The following CCDC122 variants were observed in gnomAD, a reference collection of about 807,000 sequenced individuals.
The protein encoded by CCDC122 is coiled-coil domain-containing protein 122.
Under a neutral mutation model 37.0 loss-of-function variants are expected in CCDC122, and 38 were observed. The ratio of observed to expected loss-of-function variants is 1.03; its 90% CI spans 0.79 to 1.35. The LOEUF (loss-of-function observed/expected upper bound fraction) is 1.35, where lower values mean the gene tolerates loss of function less well. CCDC122 is among the 40% of genes most tolerant of loss of function. The pLI, the probability that CCDC122 is intolerant of heterozygous loss-of-function variation, is 0.00. For synonymous variants in CCDC122, 83 were observed against 95.6 expected (o/e 0.87, Z 0.77); for missense variants, 305 against 310.0 (o/e 0.98, Z 0.12).
intron 3 of CCDC122, among the ~76,000 whole-genome samples, chr13:43,827,348 A>G (rs1471681157): frequency 6.6e-6 from 1 of 152,262 alleles, no homozygotes; most frequent in Non-Finnish European, 1.5e-5. Flanking sequence ...TTTATAAATC[A>G]TAAGTGAATT....
chr13:43,861,792 A>G (rs1233990727), intron 4 of CCDC122, among the ~76,000 whole-genome samples: 2 of 152,170 alleles, frequency 1.3e-5, no homozygotes, highest in African/African-American at 4.8e-5. Flanking sequence ...TCAACTATAC[A>G]TATTCAGAAA....
downstream of CCDC122, among the ~76,000 whole-genome samples, chr13:43,834,617 AAAAC>A (rs1357968487): frequency 6.6e-6 from 1 of 152,244 alleles, no homozygotes; most frequent in Non-Finnish European, 1.5e-5. Context: ...TTATAAGAAA[AAAAC>A]AAACAACCCC....
At chr13:43,843,046 G>A (rs1161684875) in intron 6 of CCDC122, among the ~76,000 whole-genome samples, 2 of 151,982 alleles carry the variant, frequency 1.3e-5, no homozygotes, top group African/African-American at 2.4e-5. Context: ...AGGACCTCCA[G>A]AATAATGATG....
intron 1 of CCDC122, among the ~76,000 whole-genome samples, chr13:43,876,389 G>A (rs1422893728): frequency 6.6e-6 from 1 of 152,132 alleles, no homozygotes; most frequent in African/African-American, 2.4e-5. Context: ...AAAATGTCTG[G>A]TGAGTTCTTC....
intron 2 of CCDC122, among the ~76,000 whole-genome samples, chr13:43,870,717 A>G (rs1158448770): frequency 6.6e-6 from 1 of 152,138 alleles, no homozygotes; most frequent in Non-Finnish European, 1.5e-5. Flanking sequence ...TTACAAAAAA[A>G]AGTACAGGGA....
At chr13:43,832,665 T>C (rs1953100681), downstream of CCDC122, among the ~76,000 whole-genome samples, 1 of 152,148 alleles carries the variant, frequency 6.6e-6, no homozygotes, top group Non-Finnish European at 1.5e-5. Context: ...ATCAAAATGA[T>C]AGATTAAATG....
At chr13:43,869,222 C>T (rs1050634878) in intron 3 of CCDC122, 109 bp downstream of exon 3, 2 of 814,264 alleles carry the variant, frequency 2.5e-6, no homozygotes, top group Non-Finnish European at 2.0e-6. Context: ...AATGTAACTG[C>T]TTCCATCTAT....
Position 43,869,423 on chromosome 13 carries a change from A to C in CCDC122, c.-47T>G. ...TTCCCCTTTTTGATTTACCTTCTTTACTCCTACTCAATAATCTATATTGAT... is the reference window on the plus strand; with the variant it reads ...TTCCCCTTTTTGATTTACCTTCTTTCCTCCTACTCAATAATCTATATTGAT... On this transcript the variant is annotated 5_prime_UTR_variant, in exon 3 of 7. Coordinates refer to ENST00000444614, the MANE Select transcript of CCDC122 (RefSeq NM_144974.5). The C allele has an allele frequency of 7.0e-7, 1 of 1,435,146 alleles. No homozygotes were observed. The highest frequency in any genetic ancestry group is 9.7e-7 in the Non-Finnish European group (1 of 1,031,216). The allele number at this position is 1,435,146 out of a possible 1,614,324, so 88.9% of individuals were successfully genotyped here.
In CCDC122 at chr13:43,836,730, G is replaced by C. The variant is rs913731785; in HGVS notation, c.*550C>G. 1 of 151,262 alleles carries C rather than the reference G, an allele frequency of 6.6e-6. No individual in the cohort carries two copies. The highest frequency in any genetic ancestry group is 2.1e-4 in the South Asian group (1 of 4,776). The allele number at this position is 151,262 out of a possible 1,614,324, so 9.4% of individuals were successfully genotyped here. A position where few individuals can be genotyped will look rare whatever the true frequency, so the allele number is the denominator to read the frequency against. On this transcript the variant is annotated 3_prime_UTR_variant, in exon 7 of 7. Transcript: ENST00000444614. ...CCGGGCGCGGTGGCGGGCGCCTGTG[G>C]TCCCAGCTACTCGGGAGGCTGAGGC...
chr13:43,867,696 A>C (rs1954315937), intron 4 of CCDC122, among the ~76,000 whole-genome samples: 1 of 152,166 alleles, frequency 6.6e-6, no homozygotes, highest in African/African-American at 2.4e-5. Flanking sequence ...AAATGGAATA[A>C]AGTCTATGAA....
chr13:43,868,902 AC>A, intron 3 of CCDC122, 99 bp from the exon 4 acceptor site: 1 of 615,866 alleles, frequency 1.6e-6, no homozygotes. Context: ...AATATTTGAT[AC>A]TTTTTCCTTC....
rs1953197458 is a variant in CCDC122, at chr13:43,837,313, G to A, written c.789C>T (p.Ala263=). ...GCATTCCAATGCATTTTCTTAATTC[G>A]GCTGCAGTTTTTTCCAATTGTTGAA... ...WNIQQLEKTA[A]ELRKCIGMQE Residue 263 remains alanine, a synonymous_variant, in exon 7 of 7, where the codon GCC becomes GCT. Coordinates refer to ENST00000444614, the MANE Select transcript of CCDC122 (RefSeq NM_144974.5). The A allele has an allele frequency of 5.0e-6, 8 of 1,613,670 alleles. No individual in the cohort carries two copies. The highest frequency in any genetic ancestry group is 4.0e-5 in the African/African-American group (3 of 74,856).
chr13:43,838,795 G>T (rs632414), intron 6 of CCDC122, among the ~76,000 whole-genome samples: 1 of 152,158 alleles, frequency 6.6e-6, no homozygotes, highest in Non-Finnish European at 1.5e-5. Flanking sequence ...ATGAGGTATG[G>T]AAGTGTCATT....
At chr13:43,839,934 C>T (rs543287236) in intron 6 of CCDC122, among the ~76,000 whole-genome samples, 2 of 152,030 alleles carry the variant, frequency 1.3e-5, no homozygotes, top group South Asian at 4.2e-4. Flanking sequence ...AATTTATAGA[C>T]AAAAAAAGTA....
Position 43,860,005 on chromosome 13 carries a change from T to G in CCDC122, c.222A>C (p.Arg74Ser). The stretch of plus-strand genomic sequence containing the variant: ...TGGCAGAATCTTGTTGATAAATTTG[T>G]CTTTCTGTTTCTTTAGTTTCTGCAG... ...AISAETKETE[R>S]QIYQQDSAIE... The change falls in exon 5 of 7, where the codon AGA (arginine) becomes AGC (serine). Residue 74 changes from arginine (R) to serine (S), a missense_variant. Transcript: ENST00000444614. The G allele has an allele frequency of 6.3e-7, 1 of 1,585,826 alleles. No homozygotes were observed. Among genetic ancestry groups the G allele is most frequent in the Non-Finnish European group, 8.6e-7 (1 of 1,166,970 alleles).
At chr13:43,850,675 CT>C (rs1302173566) in intron 6 of CCDC122, among the ~76,000 whole-genome samples, 1 of 151,906 alleles carries the variant, frequency 6.6e-6, no homozygotes, top group African/African-American at 2.4e-5. Context: ...ACTTCAGGGG[CT>C]TATGAAACTA....
At chr13:43,822,150 T>G (rs1952998349), downstream of CCDC122, among the ~76,000 whole-genome samples, 1 of 152,170 alleles carries the variant, frequency 6.6e-6, no homozygotes, top group Non-Finnish European at 1.5e-5. Flanking sequence ...GCTTTCCAGG[T>G]GTTAGAAGGA....
chr13:43,862,686 A>T (rs531816183), intron 4 of CCDC122, among the ~76,000 whole-genome samples: 2 of 152,270 alleles, frequency 1.3e-5, no homozygotes, highest in Non-Finnish European at 1.5e-5. Flanking sequence ...TTCATTCAAT[A>T]AATGAGTGAA....
In CCDC122 at chr13:43,868,826, A is replaced by G. The variant is rs756766956; in HGVS notation, c.47-23T>C. The G allele has an allele frequency of 1.6e-5, 18 of 1,140,408 alleles. 1 individual carries two copies. In the Admixed American group the frequency reaches 5.9e-4, roughly 37 times the overall value. The allele number at this position is 1,140,408 out of a possible 1,614,324, so 70.6% of individuals were successfully genotyped here. On this transcript the variant is annotated intron_variant, in intron 3 of 6. Coordinates refer to ENST00000444614, the MANE Select transcript of CCDC122 (RefSeq NM_144974.5). ...TATCTACAATTAGACAAAAGAATAA[A>G]GTATATAATAAAAATTAAAATACAG...
Sources: allele counts gnomAD v4.1 joint callset (sites outside exome capture counted in the v4.1 genomes callset), GRCh38; gene constraint gnomAD v4.1.1; transcripts MANE v1.5; gene names NCBI Gene and HGNC (gene_info 2026-07-23, HGNC 2026-07-21).